Variants in ZNF593OS observed in about 807,000 individuals in gnomAD.
ZNF593OS encodes ZNF593 opposite strand, also known as transmembrane protein ZNF593OS.
downstream of ZNF593OS, chr1:26,170,477 A>C: frequency 6.2e-7 from 1 of 1,614,212 alleles, no homozygotes. Flanking sequence ...GACCACAAGA[A>C]AAGGTATGAA....
chr1:26,169,890 G>A (rs1569860028), downstream of ZNF593OS: 2 of 1,320,376 alleles, frequency 1.5e-6, no homozygotes, highest in Non-Finnish European at 2.0e-6. Flanking sequence ...TAGCCCCCCG[G>A]CGTGGCCTGA....
rs1489200204 is a variant in ZNF593OS, at chr1:26,171,237, A to T, written c.144T>A (p.Tyr48Ter). 4 of 407,304 alleles carry T rather than the reference A, an allele frequency of 9.8e-6. No individual in the cohort carries two copies. The highest frequency in any genetic ancestry group is 1.3e-5 in the Non-Finnish European group (3 of 230,828). The allele number at this position is 407,304 out of a possible 1,614,324, so 25.2% of individuals were successfully genotyped here. A position where few individuals can be genotyped will look rare whatever the true frequency, so the allele number is the denominator to read the frequency against. ...GCTGCCCCACCATCTTCCAGACGGCATAGCAGGAGCCACCCAGGCCGAGGA... is the reference window on the plus strand; with the variant it reads ...GCTGCCCCACCATCTTCCAGACGGCTTAGCAGGAGCCACCCAGGCCGAGGA... The change falls in exon 2 of 2, where the codon TAT (tyrosine) becomes TAA (stop). Residue 48 changes from tyrosine (Y) to a stop codon, truncating the protein, a stop_gained. Transcript: ENST00000648649. LOFTEE classifies it high-confidence loss of function. This position sits in a 1 kb window ranked among gnomAD's most constrained non-coding sequence, Gnocchi z 5.5.
chr1:26,170,281 C>T (rs2088474410), downstream of ZNF593OS: 12 of 1,543,730 alleles, frequency 7.8e-6, no homozygotes, highest in African/African-American at 2.7e-5. Context: ...AGTCTTCTCT[C>T]TTGGGACCCG....
downstream of ZNF593OS, chr1:26,169,774 C>T (rs2088464716): frequency 3.4e-6 from 2 of 579,762 alleles, no homozygotes; most frequent in Admixed American, 3.7e-5. Flanking sequence ...GGGCACACTT[C>T]TGGGAGCCCG....
rs963371690 is a variant in ZNF593OS, at chr1:26,171,544, G to T, written c.45+73C>A. On this transcript the variant is annotated intron_variant, in intron 1 of 1. Coordinates refer to ENST00000648649, the Ensembl canonical transcript of ZNF593OS. The surrounding 1 kb of genome is among the most constrained non-coding windows in gnomAD (Gnocchi z 5.5). ...GGGAACGTGACAGCCTGGCTGTTGG[G>T]GGTGTCAACCCAGCTATGGTAGGGG... The T allele has an allele frequency of 5.0e-6, 2 of 398,580 alleles. No homozygotes were observed. Among genetic ancestry groups the T allele is most frequent in the African/African-American group, 4.1e-5 (2 of 48,624 alleles). The allele number at this position is 398,580 out of a possible 1,614,324, so 24.7% of individuals were successfully genotyped here.
chr1:26,170,397 T>C, downstream of ZNF593OS: 1 of 1,610,552 alleles, frequency 6.2e-7, no homozygotes, highest in South Asian at 1.1e-5. Context: ...CTCACTCTCC[T>C]TCTCACTTCC....
chr1:26,170,100 A>G, downstream of ZNF593OS: 2 of 1,570,916 alleles, frequency 1.3e-6, no homozygotes, highest in Non-Finnish European at 1.7e-6. Flanking sequence ...GGCCTCAGGG[A>G]TCCGCACGAC....
Position 26,171,721 on chromosome 1 carries a change from G to GGT in ZNF593OS, c.-62_-61dup, listed in dbSNP as rs1479077188. 5 of 398,428 alleles carry GGT rather than the reference G, an allele frequency of 1.3e-5. No individual in the cohort carries two copies. Among genetic ancestry groups the GGT allele is most frequent in the African/African-American group, 2.1e-5 (1 of 48,596 alleles). The allele number at this position is 398,428 out of a possible 1,614,324, so 24.7% of individuals were successfully genotyped here. ...GGTGGGAGCGGACGTGAAGACCAGT[G>GGT]GTCTTCATGACACCAAGAAGTGGAA... On this transcript the variant is annotated 5_prime_UTR_variant, in exon 1 of 2. Coordinates refer to ENST00000648649, the Ensembl canonical transcript of ZNF593OS. This position sits in a 1 kb window ranked among gnomAD's most constrained non-coding sequence, Gnocchi z 5.5.
At chr1:26,169,880 T>C, downstream of ZNF593OS, 2 of 1,269,712 alleles carry the variant, frequency 1.6e-6, no homozygotes, top group East Asian at 2.9e-5. Flanking sequence ...CGAGCCTGCC[T>C]AGCCCCCCGG....
At chr1:26,170,285 G>T, downstream of ZNF593OS, 6 of 1,538,224 alleles carry the variant, frequency 3.9e-6, no homozygotes, top group South Asian at 7.3e-5. Flanking sequence ...TTCTCTCTTG[G>T]GACCCGTGGG....
exon 2 of ZNF593OS, chr1:26,170,879 C>T: frequency 1.1e-6 from 1 of 894,456 alleles, no homozygotes; most frequent in Non-Finnish European, 1.6e-6. Context: ...GAGAACTTGC[C>T]TCCAACTCTA....
Position 26,171,272 on chromosome 1 carries a change from CTG to C in ZNF593OS, c.107_108del (p.Thr36SerfsTer42). 1 of 404,006 alleles carries C rather than the reference CTG, an allele frequency of 2.5e-6. No homozygotes were observed. The highest frequency in any genetic ancestry group is 4.4e-6 in the Non-Finnish European group (1 of 229,224). The allele number at this position is 404,006 out of a possible 1,614,324, so 25.0% of individuals were successfully genotyped here. A position where few individuals can be genotyped will look rare whatever the true frequency, so the allele number is the denominator to read the frequency against. On this transcript the variant is annotated frameshift_variant, in exon 2 of 2. Coordinates refer to ENST00000648649, the Ensembl canonical transcript of ZNF593OS. LOFTEE classifies it high-confidence loss of function. This position sits in a 1 kb window ranked among gnomAD's most constrained non-coding sequence, Gnocchi z 5.5. ...CCACCCAGGCCGAGGACAGCTAGCA[CTG>C]TAGCCACAACTCCTGCCAGCAGACT... is the stretch of plus-strand genomic sequence containing the variant.
chr1:26,170,032 C>G, downstream of ZNF593OS: 1 of 1,571,962 alleles, frequency 6.4e-7, no homozygotes, highest in South Asian at 1.2e-5. Flanking sequence ...CTCTCTAGCC[C>G]GGCAGATGAA....
exon 2 of ZNF593OS, chr1:26,170,772 A>G: frequency 6.4e-7 from 1 of 1,564,362 alleles, no homozygotes; most frequent in Non-Finnish European, 8.6e-7. Context: ...CGCAAGGACT[A>G]GGCTGGGAGG....
downstream of ZNF593OS, chr1:26,170,407 C>T (rs2088477991): frequency 5.0e-6 from 8 of 1,612,476 alleles, no homozygotes; most frequent in East Asian, 1.3e-4. Flanking sequence ...TTCTCACTTC[C>T]ATTCCTACAG....
rs1280574754 is a variant in ZNF593OS, at chr1:26,171,619, G to A, written c.43C>T (p.Gln15Ter). The change falls in exon 1 of 2, where the codon CAG becomes TAG. Residue 15 changes from glutamine to a stop codon, truncating the protein, a stop_gained and splice_region_variant. Coordinates refer to ENST00000648649, the Ensembl canonical transcript of ZNF593OS. LOFTEE classifies it high-confidence loss of function. This position sits in a 1 kb window ranked among gnomAD's most constrained non-coding sequence, Gnocchi z 5.5. Reference sequence around the variant, plus strand: ...AACCGTTGATCAGGGGTACTTACCTGTAACACCCGGAAGTAACCAGGGGTC... The same window carrying A: ...AACCGTTGATCAGGGGTACTTACCTATAACACCCGGAAGTAACCAGGGGTC... 1 of 398,654 alleles carries A rather than the reference G, an allele frequency of 2.5e-6. No homozygotes were observed. The highest frequency in any genetic ancestry group is 2.1e-5 in the African/African-American group (1 of 48,742). The allele number at this position is 398,654 out of a possible 1,614,324, so 24.7% of individuals were successfully genotyped here.
downstream of ZNF593OS, chr1:26,169,804 C>A: frequency 1.6e-6 from 1 of 642,972 alleles, no homozygotes; most frequent in Non-Finnish European, 2.5e-6. Context: ...CGGTCACTGA[C>A]GTCGACGGCC....
downstream of ZNF593OS, chr1:26,170,090 G>A: frequency 6.4e-7 from 1 of 1,572,138 alleles, no homozygotes; most frequent in Non-Finnish European, 8.6e-7. Context: ...CGCGAGCTGC[G>A]GCCTCAGGGA....
chr1:26,169,972 C>T (rs770000401), downstream of ZNF593OS: 14 of 1,534,034 alleles, frequency 9.1e-6, no homozygotes, highest in Admixed American at 1.6e-4. Context: ...GCCGGCCGGG[C>T]TGTTTCTGGC....
Sources: gnomAD v4.1 joint callset for allele counts on GRCh38, gnomAD v4.1.1 for gene constraint, Gnocchi (gnomAD v3.1) non-coding constraint, MANE v1.5 for transcripts, NCBI Gene and HGNC (gene_info 2026-07-23, HGNC 2026-07-21) for gene names.